The following NRP1 variants were observed in gnomAD, a reference collection of about 807,000 sequenced individuals.
The protein encoded by NRP1 is neuropilin 1.
A neutral mutation model predicts 106.7 loss-of-function variants in NRP1; 35 were observed. The ratio of observed to expected loss-of-function variants is 0.33; its 90% CI spans 0.25 to 0.43. NRP1 has a LOEUF of 0.43. Among genes scored for constraint, NRP1 ranks in the 20% least tolerant of loss-of-function variants. The pLI is 1.00. For missense variants in NRP1, 1,024 were observed against 1,170.4 expected (o/e 0.87, Z 1.83); for synonymous variants, 437 against 417.9 (o/e 1.05, Z -0.56).
intron 12 of NRP1, among the ~76,000 whole-genome samples, chr10:33,193,574 C>A (rs1412152524): frequency 6.6e-6 from 1 of 152,080 alleles, no homozygotes; most frequent in Non-Finnish European, 1.5e-5. Context: ...GCATCTGGAC[C>A]GTTGAACTTA....
At chr10:33,193,098 C>T (rs1262157747) in intron 12 of NRP1, among the ~76,000 whole-genome samples, 2 of 152,026 alleles carry the variant, frequency 1.3e-5, no homozygotes, top group Admixed American at 6.6e-5. Flanking sequence ...TCATCTAAAT[C>T]CAAAGCCCAT....
intron 10 of NRP1, among the ~76,000 whole-genome samples, chr10:33,203,801 C>T (rs1373386965): frequency 2.7e-5 from 2 of 73,326 alleles, no homozygotes; most frequent in African/African-American, 8.2e-5. Context: ...ACTGCAGTGG[C>T]GCAATCTCGG....
chr10:33,230,314 C>T (rs942190524), intron 6 of NRP1, among the ~76,000 whole-genome samples: 2 of 152,162 alleles, frequency 1.3e-5, no homozygotes, highest in Non-Finnish European at 2.9e-5. Flanking sequence ...GTGTTCATAT[C>T]TGAAGAGTTC....
intron 2 of NRP1, among the ~76,000 whole-genome samples, chr10:33,287,209 G>A (rs921479269): frequency 4.6e-5 from 7 of 152,122 alleles, no homozygotes; most frequent in Non-Finnish European, 8.8e-5. Context: ...TCAACTTGAT[G>A]TTTTTCTAAG....
chr10:33,238,648 G>A (rs1840764426), intron 6 of NRP1, among the ~76,000 whole-genome samples: 1 of 152,140 alleles, frequency 6.6e-6, no homozygotes, highest in African/African-American at 2.4e-5. Flanking sequence ...GCATATGGTG[G>A]AAAAAAGCAC....
intron 11 of NRP1, among the ~76,000 whole-genome samples, chr10:33,200,613 G>T (rs1380071803): frequency 6.6e-6 from 1 of 152,170 alleles, no homozygotes; most frequent in Non-Finnish European, 1.5e-5. Flanking sequence ...AACGCTCTTG[G>T]TTTGGTTTCA....
At chr10:33,322,050 C>T (rs939327099) in intron 2 of NRP1, among the ~76,000 whole-genome samples, 1 of 152,104 alleles carries the variant, frequency 6.6e-6, no homozygotes, top group Admixed American at 6.5e-5. Flanking sequence ...ATGCAAGGAT[C>T]GAAACTGTAT....
chr10:33,270,806 C>A lies in NRP1; in HGVS notation c.299G>T (p.Arg100Met), dbSNP rs1163348245. 1 of 1,613,566 alleles carries A rather than the reference C, an allele frequency of 6.2e-7. No homozygotes were observed. Among genetic ancestry groups the A allele is most frequent in the South Asian group, 1.1e-5 (1 of 90,934 alleles). ...FDGENENGHF[R>M]GKFCGKIAPP... ...GGCTATCTTTCCACAGAACTTTCCC[C>A]TAAAATGTCCATTTTCATTTTCTCC... Residue 100 changes from arginine (R) to methionine (M), a missense_variant, in exon 3 of 17, where the codon AGG (arginine) becomes ATG (methionine). Transcript: ENST00000374867.
chr10:33,227,964 G>GTTT, intron 6 of NRP1, among the ~76,000 whole-genome samples: 1 of 150,870 alleles, frequency 6.6e-6, no homozygotes, highest in East Asian at 1.9e-4. Context: ...AGTAGAGTAG[G>GTTT]TTTTTTTTTC....
chr10:33,288,963 A>C (rs1174381340), intron 2 of NRP1, among the ~76,000 whole-genome samples: 1 of 151,836 alleles, frequency 6.6e-6, no homozygotes, highest in East Asian at 1.9e-4. Flanking sequence ...ACTTACCCTA[A>C]ATTTTTCTGA....
In NRP1 at chr10:33,236,869, ACTAAGTG is replaced by A. The variant is rs138530496; in HGVS notation, c.982-10587_982-10581del. 3.5e-3 allele frequency among the ~76,000 whole-genome samples: 539 copies of A among 152,358 alleles called. 5 individuals are homozygous for A. Among genetic ancestry groups the A allele is most frequent in the African/African-American group, 0.013 (522 of 41,592 alleles). On this transcript the variant is annotated intron_variant, in intron 6 of 16. Transcript: ENST00000374867. ...GCAACCATTATGTGTCAGGTATTGT[ACTAAGTG>A]CTAACTTCCTGTACCTCATCTTCCA...
At chr10:33,299,391 C>T (rs548829910) in intron 2 of NRP1, among the ~76,000 whole-genome samples, 1 of 152,172 alleles carries the variant, frequency 6.6e-6, no homozygotes, top group South Asian at 2.1e-4. Context: ...GTTGTACTCC[C>T]CAGAATTGCC....
Position 33,198,200 on chromosome 10 carries a change from G to T in NRP1, c.1865-491C>A, listed in dbSNP as rs552772849. ...TCTGTTGCCCAGGCTGGAATGCAGT[G>T]GCACAATCTCGGCTCACTACAACCT... On this transcript the variant is annotated intron_variant, in intron 11 of 16. Coordinates refer to ENST00000374867, the MANE Select transcript of NRP1 (RefSeq NM_003873.7). Among the ~76,000 whole-genome samples the T allele has an allele frequency of 6.9e-5, 10 of 144,606 alleles. No individual in the cohort carries two copies. The South Asian group carries it at 1.7e-3, about 25-fold the overall frequency. 94.9% of individuals were successfully genotyped at this position (144,606 alleles called of 152,430 possible).
chr10:33,248,777 T>C (rs1841615120), intron 6 of NRP1, among the ~76,000 whole-genome samples: 1 of 152,210 alleles, frequency 6.6e-6, no homozygotes, highest in Non-Finnish European at 1.5e-5. Context: ...GTACAGACTG[T>C]CTTCCTTTAG....
chr10:33,216,275 C>T lies in NRP1; in HGVS notation c.1283-2558G>A, dbSNP rs575761901. ...GCCTCAGCCTCCCGAGTAGCTAGGACTCCAGGCGCCTGCCACCACGCCCGG... is the reference window on the plus strand; with the variant it reads ...GCCTCAGCCTCCCGAGTAGCTAGGATTCCAGGCGCCTGCCACCACGCCCGG... On this transcript the variant is annotated intron_variant, in intron 8 of 16. Coordinates refer to ENST00000374867, the MANE Select transcript of NRP1 (RefSeq NM_003873.7). Among the ~76,000 whole-genome samples, 3 of 151,692 alleles carry T rather than the reference C, an allele frequency of 2.0e-5. No individual in the cohort carries two copies. The South Asian group carries it at 6.3e-4, about 32-fold the overall frequency.
intron 6 of NRP1, among the ~76,000 whole-genome samples, chr10:33,226,709 C>G (rs1379756896): frequency 6.6e-6 from 1 of 152,198 alleles, no homozygotes; most frequent in Non-Finnish European, 1.5e-5. Flanking sequence ...AGCCTGCTAC[C>G]TGGTCTTTAC....
At chr10:33,224,296 C>T (rs1250850947) in intron 7 of NRP1, among the ~76,000 whole-genome samples, 1 of 152,156 alleles carries the variant, frequency 6.6e-6, no homozygotes, top group Non-Finnish European at 1.5e-5. Context: ...TCAAACACCC[C>T]TGTAATCTGT....
At chr10:33,226,412 A>T (rs1203624700) in intron 6 of NRP1, 123 bp from the exon 7 acceptor site, 11 of 996,090 alleles carry the variant, frequency 1.1e-5, no homozygotes, top group Non-Finnish European at 1.5e-5. Flanking sequence ...GCCTCATTCC[A>T]TCGGGTGTCC....
chr10:33,251,849 G>C (rs565707680), intron 6 of NRP1, among the ~76,000 whole-genome samples: 12 of 152,224 alleles, frequency 7.9e-5, no homozygotes, highest in African/African-American at 2.9e-4. Flanking sequence ...TACTGATACG[G>C]GAGTGCTGGG....
Sources: allele counts gnomAD v4.1 joint callset (sites outside exome capture counted in the v4.1 genomes callset), GRCh38; gene constraint gnomAD v4.1.1; transcripts MANE v1.5; gene names NCBI Gene and HGNC (gene_info 2026-07-23, HGNC 2026-07-21).